SLC24A4: variants seen among roughly 807,000 people sequenced by gnomAD.
The protein encoded by SLC24A4 is solute carrier family 24 member 4, also known as sodium/potassium/calcium exchanger 4.
Under a neutral mutation model 79.0 loss-of-function variants are expected in SLC24A4, and 53 were observed. That is an observed-to-expected ratio of 0.67 (90% CI 0.54 to 0.84). SLC24A4 has a LOEUF of 0.84. Among genes scored for constraint, SLC24A4 ranks in the 40% least tolerant of loss-of-function variants. The probability of loss-of-function intolerance (pLI) is 0.00; values close to 1 mark genes in which losing one functional copy is unlikely to be tolerated. For missense variants in SLC24A4, 731 were observed against 822.0 expected (o/e 0.89, Z 1.35); for synonymous variants, 323 against 323.8 (o/e 1.00, Z 0.03).
At chr14:92,385,512 C>A (rs978554205) in intron 2 of SLC24A4, among the ~76,000 whole-genome samples, 2 of 137,648 alleles carry the variant, frequency 1.5e-5, no homozygotes, top group African/African-American at 5.9e-5. Context: ...AAAAAAAAAT[C>A]ATGCAATGTT....
At chr14:92,337,644 C>G (rs1885889748) in intron 2 of SLC24A4, among the ~76,000 whole-genome samples, 1 of 152,152 alleles carries the variant, frequency 6.6e-6, no homozygotes. Context: ...TGCCTTTTAA[C>G]CCAAGGAAAG....
chr14:92,402,631 A>C (rs918338888), intron 2 of SLC24A4, among the ~76,000 whole-genome samples: 9 of 152,166 alleles, frequency 5.9e-5, no homozygotes, highest in Non-Finnish European at 1.3e-4. Flanking sequence ...ACAGTTCCAC[A>C]TGGCTGGGGA....
intron 12 of SLC24A4, among the ~76,000 whole-genome samples, chr14:92,464,943 G>A (rs893965294): frequency 1.3e-5 from 2 of 152,182 alleles, no homozygotes; most frequent in Non-Finnish European, 2.9e-5. Context: ...CAACTACACA[G>A]CAGAGTGTCC....
intron 2 of SLC24A4, among the ~76,000 whole-genome samples, chr14:92,410,654 G>C (rs773396565): frequency 3.9e-5 from 6 of 152,138 alleles, no homozygotes; most frequent in Non-Finnish European, 7.3e-5. Context: ...CTCATCTTCT[G>C]AACAATTCTA....
rs1885219772 is a variant in SLC24A4 at position 92,327,559 on chromosome 14, A to G, written c.241+1581A>G. On this transcript the variant is annotated intron_variant, in intron 2 of 16. Transcript: ENST00000532405. ...ACCATCCCCATGGGAACACTTTGCT[A>G]CTCTGGATAAAGAATCAGGGTTCAG... Among the ~76,000 whole-genome samples the G allele has an allele frequency of 2.6e-5, 4 of 152,244 alleles. No homozygotes were observed. In the South Asian group the frequency reaches 8.3e-4, roughly 32 times the overall value.
intron 3 of SLC24A4, among the ~76,000 whole-genome samples, chr14:92,434,918 C>T (rs1892083025): frequency 1.3e-5 from 2 of 152,158 alleles, no homozygotes; most frequent in Non-Finnish European, 2.9e-5. Context: ...GTATTACAGG[C>T]ATGTGCTGCC....
chr14:92,492,836 G>A, intron 16 of SLC24A4: 1 of 455,632 alleles, frequency 2.2e-6, no homozygotes, highest in South Asian at 1.6e-5. Flanking sequence ...GTGCTCCAGT[G>A]AGGTTCCTGG....
chr14:92,475,761 T>G (rs1894727144), intron 12 of SLC24A4, among the ~76,000 whole-genome samples: 1 of 152,188 alleles, frequency 6.6e-6, no homozygotes, highest in African/African-American at 2.4e-5. Context: ...TTTATACACA[T>G]ACCTGGAAAT....
chr14:92,355,452 G>A (rs997373638), intron 2 of SLC24A4, among the ~76,000 whole-genome samples: 1 of 152,206 alleles, frequency 6.6e-6, no homozygotes, highest in African/African-American at 2.4e-5. Context: ...AGAAGGACGA[G>A]CTGACTTACC....
chr14:92,325,076 A>G (rs1181949201), intron 1 of SLC24A4, among the ~76,000 whole-genome samples: 2 of 151,992 alleles, frequency 1.3e-5, no homozygotes, highest in Non-Finnish European at 1.5e-5. Context: ...CAGTGTTTGG[A>G]TTTTTTTCCC....
intron 2 of SLC24A4, among the ~76,000 whole-genome samples, chr14:92,407,665 C>T (rs1330642759): frequency 2.0e-5 from 3 of 151,182 alleles, no homozygotes; most frequent in Admixed American, 2.0e-4. Context: ...GGGGGAGGTT[C>T]CACAGACTTT....
intron 2 of SLC24A4, among the ~76,000 whole-genome samples, chr14:92,391,054 C>T (rs1189392584): frequency 2.6e-5 from 4 of 152,206 alleles, no homozygotes; most frequent in Non-Finnish European, 5.9e-5. Flanking sequence ...TGCTGCTGGG[C>T]TCCCAGGGTC....
intron 2 of SLC24A4, among the ~76,000 whole-genome samples, chr14:92,394,910 C>A (rs531385733): frequency 6.6e-6 from 1 of 152,162 alleles, no homozygotes; most frequent in Non-Finnish European, 1.5e-5. Flanking sequence ...TGCTTCCCAG[C>A]ACGTTTCCCA....
Position 92,433,967 on chromosome 14 carries a change from C to G in SLC24A4, c.297C>G (p.Ala99=). ...LFSNKERQHG[A]VLLHILGALY... Reference sequence around the variant, plus strand: ...CCAATAAGGAGCGACAGCACGGAGCCGTCCTGCTGCACATCCTTGGTGTAA... The same window carrying G: ...CCAATAAGGAGCGACAGCACGGAGCGGTCCTGCTGCACATCCTTGGTGTAA... Residue 99 remains alanine, a synonymous_variant, in exon 3 of 17, where the codon GCC becomes GCG. Transcript: ENST00000532405. The G allele has an allele frequency of 1.2e-6, 2 of 1,614,196 alleles. No homozygotes were observed. Among genetic ancestry groups the G allele is most frequent in the Middle Eastern group, 1.6e-4 (1 of 6,062 alleles).
At position 92,490,947 on chromosome 14, in the gene SLC24A4, G is replaced by A. The variant is rs1895644570; in HGVS notation, c.1538-718G>A. Among the ~76,000 whole-genome samples the A allele has an allele frequency of 6.6e-6, 1 of 152,172 alleles. No individual in the cohort carries two copies. The highest frequency in any genetic ancestry group is 2.1e-4 in the South Asian group (1 of 4,828). On this transcript the variant is annotated intron_variant, in intron 14 of 16. Transcript: ENST00000532405. The surrounding 1 kb of genome is among the most constrained non-coding windows in gnomAD (Gnocchi z 4.3). The stretch of plus-strand genomic sequence containing the variant: ...CCTTGGCTGTCTTCATCTTTGCCCA[G>A]GTTCTCCCTGCATGTCCAGTTTTCT...
intron 12 of SLC24A4, among the ~76,000 whole-genome samples, chr14:92,462,971 G>A (rs544341660): frequency 2.6e-5 from 4 of 152,164 alleles, no homozygotes; most frequent in South Asian, 2.1e-4. Context: ...GGTTTCCTCC[G>A]TCTGGGATGC....
intron 2 of SLC24A4, among the ~76,000 whole-genome samples, chr14:92,326,456 A>G (rs533100541): frequency 3.0e-4 from 45 of 150,352 alleles, no homozygotes; most frequent in African/African-American, 1.0e-3. Context: ...TGTTTCTCTC[A>G]AATGGGAGTC....
intron 2 of SLC24A4, among the ~76,000 whole-genome samples, chr14:92,375,363 T>C (rs889951651): frequency 6.6e-6 from 1 of 152,212 alleles, no homozygotes; most frequent in African/African-American, 2.4e-5. Flanking sequence ...GTTGAGAATG[T>C]AAAATGGCGC....
rs761642125 is a variant in SLC24A4, at chr14:92,454,049, A to G, written c.1030A>G (p.Ser344Gly). 1.9e-6 allele frequency: 3 copies of G among 1,613,212 alleles called. No homozygotes were observed. In the South Asian group the frequency reaches 3.3e-5, roughly 18 times the overall value. Reference protein sequence around the residue: ...FGPRTRLRMASRIIINERQRL... With the variant: ...FGPRTRLRMAGRIIINERQRL... ...ACCCAGGACCCGACTACGGATGGCC[A>G]GCAGGATCATCATTAATGAGGTGAG... Residue 344 changes from serine (S) to glycine (G), a missense_variant, in exon 11 of 17, where the codon AGC becomes GGC. Physicochemically the swap from Ser to Gly is moderately conservative, Grantham distance 56. Coordinates refer to ENST00000532405, the MANE Select transcript of SLC24A4 (RefSeq NM_153646.4).
Sources: gnomAD v4.1 joint callset for allele counts (sites outside exome capture counted in the v4.1 genomes callset) on GRCh38, gnomAD v4.1.1 for gene constraint, Gnocchi (gnomAD v3.1) non-coding constraint, MANE v1.5 for transcripts, NCBI Gene and HGNC (gene_info 2026-07-23, HGNC 2026-07-21) for gene names.